The following ELP4 variants were observed in gnomAD, a reference collection of about 807,000 sequenced individuals.
ELP4 encodes elongator acetyltransferase complex subunit 4, also known as elongator complex protein 4.
Under a neutral mutation model 48.9 loss-of-function variants are expected in ELP4, and 51 were observed. The ratio of observed to expected loss-of-function variants is 1.04; its 90% CI spans 0.83 to 1.32. ELP4 has a LOEUF of 1.32. Ranked by LOEUF, ELP4 falls within the 40% of genes most tolerant of loss-of-function variation. ELP4 has a pLI of 0.00. For synonymous variants in ELP4, 210 were observed against 189.2 expected, an observed-to-expected ratio of 1.11 and a Z score of -0.90; for missense variants, 519 against 514.6, an observed-to-expected ratio of 1.01 and a Z score of -0.08.
chr11:31,764,166 C>T (rs1217009882), intron 9 of ELP4, among the ~76,000 whole-genome samples: 2 of 151,926 alleles, frequency 1.3e-5, no homozygotes, highest in South Asian at 2.1e-4. Flanking sequence ...TACAATATTG[C>T]GATAATGTCT....
chr11:31,627,058 C>T (rs1944759609), intron 5 of ELP4, 52 bp from the exon 6 acceptor site: 2 of 977,024 alleles, frequency 2.0e-6, no homozygotes, highest in East Asian at 4.8e-5. Context: ...AGATTGTGTA[C>T]TTCTTATGTA....
intron 9 of ELP4, among the ~76,000 whole-genome samples, chr11:31,728,632 G>C (rs1947125230): frequency 6.6e-6 from 1 of 152,144 alleles, no homozygotes. Flanking sequence ...CTGAAAAACA[G>C]TTGTAACCAT....
chr11:31,521,968 C>T (rs1000763088), intron 2 of ELP4, among the ~76,000 whole-genome samples: 15 of 152,128 alleles, frequency 9.9e-5, no homozygotes, highest in Admixed American at 9.8e-4. Flanking sequence ...CATTTACTTA[C>T]ATCAATACAA....
chr11:31,551,700 T>C (rs1473154349), intron 3 of ELP4, among the ~76,000 whole-genome samples: 1 of 152,172 alleles, frequency 6.6e-6, no homozygotes, highest in African/African-American at 2.4e-5. Context: ...TTGTTATGTG[T>C]CTGTTATACC....
At chr11:31,627,876 A>T (rs1944780014) in intron 6 of ELP4, among the ~76,000 whole-genome samples, 1 of 152,052 alleles carries the variant, frequency 6.6e-6, no homozygotes, top group South Asian at 2.1e-4. Flanking sequence ...TTTCTAAAGC[A>T]CCATTATTTT....
At chr11:31,686,791 C>A (rs1353855237) in intron 9 of ELP4, among the ~76,000 whole-genome samples, 1 of 151,574 alleles carries the variant, frequency 6.6e-6, no homozygotes, top group African/African-American at 2.4e-5. Flanking sequence ...ATCAATTGAG[C>A]TGGGGAGGTG....
At chr11:31,568,901 A>G (rs1266111105) in intron 3 of ELP4, among the ~76,000 whole-genome samples, 1 of 152,098 alleles carries the variant, frequency 6.6e-6, no homozygotes, top group Admixed American at 6.6e-5. Flanking sequence ...CCTGGCCAAC[A>G]TGGTGAAACC....
intron 5 of ELP4, 135 bp downstream of exon 5, chr11:31,604,042 T>A (rs2134003065): frequency 3.2e-6 from 2 of 628,402 alleles, no homozygotes; most frequent in Non-Finnish European, 4.8e-6. Context: ...ATATAATTTG[T>A]AACTTCAAGT....
At chr11:31,658,933 C>T (rs1167684241) in intron 9 of ELP4, among the ~76,000 whole-genome samples, 1 of 151,856 alleles carries the variant, frequency 6.6e-6, no homozygotes, top group East Asian at 1.9e-4. Context: ...GCTGGAAGTT[C>T]TTTAAATACC....
intron 5 of ELP4, among the ~76,000 whole-genome samples, chr11:31,625,938 G>T (rs891067614): frequency 1.3e-5 from 2 of 151,820 alleles, no homozygotes; most frequent in African/African-American, 4.8e-5. Flanking sequence ...CACTGAAAAT[G>T]GAGAAATAAC....
intron 9 of ELP4, among the ~76,000 whole-genome samples, chr11:31,745,165 T>C (rs2134228150): frequency 6.6e-6 from 1 of 152,234 alleles, no homozygotes; most frequent in African/African-American, 2.4e-5. Context: ...ATAAAATACC[T>C]AGGAATCCAA....
intron 9 of ELP4, among the ~76,000 whole-genome samples, chr11:31,657,920 G>C (rs1945473085): frequency 6.6e-6 from 1 of 151,910 alleles, no homozygotes. Context: ...GTGCTTAAAG[G>C]CATTATTTCA....
chr11:31,703,453 A>G (rs1474471665), intron 9 of ELP4, among the ~76,000 whole-genome samples: 1 of 152,250 alleles, frequency 6.6e-6, no homozygotes, highest in East Asian at 1.9e-4. Flanking sequence ...TGAGTAAAAT[A>G]TGAATATTTT....
In ELP4 at chr11:31,723,737, G is replaced by A. The variant is rs193106113; in HGVS notation, c.1144-59656G>A. 3.3e-4 allele frequency among the ~76,000 whole-genome samples: 50 copies of A among 152,204 alleles called. 1 individual carries two copies. Among genetic ancestry groups the A allele is most frequent in the African/African-American group, 1.1e-3 (45 of 41,532 alleles). The stretch of plus-strand genomic sequence containing the variant: ...TGGAGGATTCAAACCCTGACAGTCC[G>A]CCTCCAAAAGATTCTTATAGGAGAA... On this transcript the variant is annotated intron_variant, in intron 9 of 9. Coordinates refer to ENST00000640961, the MANE Select transcript of ELP4 (RefSeq NM_019040.5).
At chr11:31,698,300 CCT>C (rs1389538694) in intron 9 of ELP4, among the ~76,000 whole-genome samples, 1 of 152,042 alleles carries the variant, frequency 6.6e-6, no homozygotes, top group Non-Finnish European at 1.5e-5. Context: ...TTAATTAAAA[CCT>C]CTTTCAAACC....
chr11:31,773,102 G>A (rs1948182544), intron 9 of ELP4, among the ~76,000 whole-genome samples: 1 of 152,184 alleles, frequency 6.6e-6, no homozygotes, highest in South Asian at 2.1e-4. Context: ...TCAGTTTTGG[G>A]GGCCTAGGAT....
intron 9 of ELP4, among the ~76,000 whole-genome samples, chr11:31,757,005 C>T (rs1018213535): frequency 4.6e-5 from 7 of 152,290 alleles, no homozygotes; most frequent in South Asian, 4.2e-4. Context: ...TTAACTTCTT[C>T]GCCATCTTTA....
intron 7 of ELP4, among the ~76,000 whole-genome samples, chr11:31,644,369 C>T (rs1945159241): frequency 6.6e-6 from 1 of 151,774 alleles, no homozygotes; most frequent in African/African-American, 2.4e-5. Flanking sequence ...AATTGACGTA[C>T]AAATGCCTCT....
intron 3 of ELP4, among the ~76,000 whole-genome samples, chr11:31,585,916 C>T (rs552704834): frequency 8.2e-4 from 124 of 152,120 alleles, no homozygotes; most frequent in African/African-American, 2.8e-3. Flanking sequence ...AACACCCTGT[C>T]TCTACAAAAA....
Sources: allele counts gnomAD v4.1 joint callset (sites outside exome capture counted in the v4.1 genomes callset), GRCh38; gene constraint gnomAD v4.1.1; transcripts MANE v1.5; gene names NCBI Gene and HGNC (gene_info 2026-07-23, HGNC 2026-07-21).